Variants in FAM135B observed in about 807,000 individuals in gnomAD.
FAM135B encodes protein FAM135B.
In FAM135B, 43 loss-of-function variants were observed where a neutral mutation model predicts 127.7. That is an observed-to-expected ratio of 0.34 (90% confidence interval 0.26 to 0.43). FAM135B has a LOEUF of 0.43. Ranked by LOEUF, FAM135B falls within the 20% of genes least tolerant of loss-of-function variation. FAM135B has a pLI of 1.00. For synonymous variants in FAM135B, 670 were observed against 665.1 expected (o/e 1.01, Z -0.11); for missense variants, 1,558 against 1,725.6 (o/e 0.90, Z 1.72).
intron 2 of FAM135B, among the ~76,000 whole-genome samples, chr8:138,339,394 T>A (rs1470599582): frequency 6.7e-6 from 1 of 150,102 alleles, no homozygotes; most frequent in African/African-American, 2.5e-5. Context: ...TTTTAAAATC[T>A]CCAATGTAAA....
rs377116504 is a variant in FAM135B, at chr8:138,152,973, T to C, written c.1502A>G (p.Tyr501Cys). 4.0e-5 allele frequency: 64 copies of C among 1,614,118 alleles called. No homozygotes were observed. The highest frequency in any genetic ancestry group is 5.3e-5 in the Non-Finnish European group (62 of 1,180,058). Residue 501 changes from tyrosine (Y) to cysteine (C), a missense_variant, in exon 13 of 20, where the codon TAT becomes TGT. Physicochemically the swap from Tyr to Cys is radical, Grantham distance 194. Around this residue, in one of 5 missense-constraint regions of FAM135B, gnomAD observed 923 missense variants for 865.3 expected, o/e 1.07. Transcript: ENST00000395297. The part of the protein sequence containing the change: ...HMDMCSESQV[Y>C]ISIGEFQNKA... ...GTTTTGAAATTCACCAATTGATATATACACCTGAGATTCAGAGCACATGTC... is the reference window on the plus strand; with the variant it reads ...GTTTTGAAATTCACCAATTGATATACACACCTGAGATTCAGAGCACATGTC...
chr8:138,307,122 C>T (rs183367408), intron 3 of FAM135B, among the ~76,000 whole-genome samples: 27 of 152,278 alleles, frequency 1.8e-4, no homozygotes, highest in Non-Finnish European at 2.9e-4. Flanking sequence ...TCTTGAATTC[C>T]CACATGTTGT....
At chr8:138,280,632 T>C (rs1824194788) in intron 3 of FAM135B, among the ~76,000 whole-genome samples, 1 of 152,156 alleles carries the variant, frequency 6.6e-6, no homozygotes, top group African/African-American at 2.4e-5. Flanking sequence ...GCCACAGAAC[T>C]TGGCACAGTG....
At chr8:138,459,362 A>T (rs1314333928) in intron 1 of FAM135B, 1 of 152,222 alleles carries the variant, frequency 6.6e-6, no homozygotes, top group Non-Finnish European at 1.5e-5. Context: ...CAGCAGTGGC[A>T]GGGACAATTA....
At chr8:138,161,613 G>C (rs1383600114) in intron 12 of FAM135B, among the ~76,000 whole-genome samples, 1 of 152,146 alleles carries the variant, frequency 6.6e-6, no homozygotes, top group Non-Finnish European at 1.5e-5. Flanking sequence ...AAACCACTGA[G>C]ACACTACATA....
intron 1 of FAM135B, among the ~76,000 whole-genome samples, chr8:138,392,570 C>T (rs1384270965): frequency 6.6e-6 from 1 of 152,088 alleles, no homozygotes; most frequent in African/African-American, 2.4e-5. Context: ...AGTCTAGCTA[C>T]TCTGTCGGGA....
intron 2 of FAM135B, among the ~76,000 whole-genome samples, chr8:138,338,356 C>T (rs1364049262): frequency 2.6e-5 from 4 of 151,988 alleles, no homozygotes; most frequent in Non-Finnish European, 5.9e-5. Flanking sequence ...TTGCAATCTA[C>T]TCATCTGACA....
At chr8:138,454,282 C>T (rs372212519) in intron 1 of FAM135B, among the ~76,000 whole-genome samples, 15 of 152,226 alleles carry the variant, frequency 9.9e-5, no homozygotes, top group African/African-American at 2.9e-4. Context: ...ATCAGGTACA[C>T]GTGAAGTGGA....
At chr8:138,336,830 C>T (rs1331327360) in intron 2 of FAM135B, among the ~76,000 whole-genome samples, 9 of 152,146 alleles carry the variant, frequency 5.9e-5, no homozygotes, top group South Asian at 2.1e-4. Flanking sequence ...ACAAATATCC[C>T]TGATGAACAT....
chr8:138,184,030 G>T (rs75595591), intron 9 of FAM135B, among the ~76,000 whole-genome samples: 2,648 of 152,278 alleles, frequency 0.017, 64 homozygotes, highest in African/African-American at 0.06. Context: ...ATGGAGCAAG[G>T]CACCATGAAA....
intron 6 of FAM135B, among the ~76,000 whole-genome samples, chr8:138,244,334 G>A (rs1312385661): frequency 1.3e-5 from 2 of 152,136 alleles, no homozygotes; most frequent in Admixed American, 1.3e-4. Flanking sequence ...GATCCTCAGA[G>A]TATGGTCAAG....
intron 12 of FAM135B, among the ~76,000 whole-genome samples, chr8:138,155,879 C>G (rs1260941979): frequency 6.6e-6 from 1 of 152,100 alleles, no homozygotes; most frequent in Non-Finnish European, 1.5e-5. Context: ...CAATATTAGA[C>G]AGATGAACGA....
At chr8:138,434,426 G>C (rs1397218592) in intron 1 of FAM135B, among the ~76,000 whole-genome samples, 1 of 152,028 alleles carries the variant, frequency 6.6e-6, no homozygotes, top group Non-Finnish European at 1.5e-5. Flanking sequence ...GTGGGTGTAA[G>C]TGTTCCCATT....
At chr8:138,471,620 G>A (rs1837681447) in intron 1 of FAM135B, among the ~76,000 whole-genome samples, 1 of 152,130 alleles carries the variant, frequency 6.6e-6, no homozygotes, top group African/African-American at 2.4e-5. Context: ...AGTTTAAGGT[G>A]CTTTGAAATG....
intron 4 of FAM135B, among the ~76,000 whole-genome samples, chr8:138,263,657 A>G (rs1030865810): frequency 3.3e-5 from 5 of 152,194 alleles, no homozygotes; most frequent in Non-Finnish European, 7.3e-5. Context: ...TTCTTGAGGT[A>G]TTGAAGCAGG....
At chr8:138,215,866 T>G (rs2129941656) in intron 7 of FAM135B, among the ~76,000 whole-genome samples, 1 of 152,236 alleles carries the variant, frequency 6.6e-6, no homozygotes, top group African/African-American at 2.4e-5. Flanking sequence ...CTGGCAGCCA[T>G]GAGCAAGCAT....
At chr8:138,426,594 A>G (rs1834904546) in intron 1 of FAM135B, among the ~76,000 whole-genome samples, 1 of 151,542 alleles carries the variant, frequency 6.6e-6, no homozygotes, top group Non-Finnish European at 1.5e-5. Context: ...CATTTTTATC[A>G]TAATCTAATA....
At chr8:138,454,362 T>C (rs1456427177) in intron 1 of FAM135B, among the ~76,000 whole-genome samples, 2 of 152,106 alleles carry the variant, frequency 1.3e-5, no homozygotes, top group South Asian at 2.1e-4. Context: ...ATGACTGCCC[T>C]AGATGCCTCC....
rs1820850031 is a variant in FAM135B at position 138,242,168 on chromosome 8, TGTGTGTGTGTGTG to T, written c.669+761_669+773del. ...CAATTACTTATGATAAATCTCTTTG[TGTGTGTGTGTGTG>T]TGTGTGTGTGTGTGTGTGTGTGTGT... On this transcript the variant is annotated intron_variant, in intron 7 of 19. Coordinates refer to ENST00000395297, the MANE Select transcript of FAM135B (RefSeq NM_015912.4). The surrounding 1 kb of genome is among the most constrained non-coding windows in gnomAD (Gnocchi z 9.6). Among the ~76,000 whole-genome samples, 1 of 28,814 alleles carries T rather than the reference TGTGTGTGTGTGTG, an allele frequency of 3.5e-5. No individual in the cohort carries two copies. Among genetic ancestry groups the T allele is most frequent in the Non-Finnish European group, 8.1e-5 (1 of 12,340 alleles). 18.9% of individuals were successfully genotyped at this position (28,814 alleles called of 152,430 possible). A position where few individuals can be genotyped will look rare whatever the true frequency, so the allele number is the denominator to read the frequency against.
Sources: gnomAD v4.1 joint callset for allele counts (sites outside exome capture counted in the v4.1 genomes callset) on GRCh38, gnomAD v4.1.1 for gene constraint, gnomAD v4.1.1 regional missense constraint, Gnocchi (gnomAD v3.1) non-coding constraint, MANE v1.5 for transcripts, NCBI Gene and HGNC (gene_info 2026-07-23, HGNC 2026-07-21) for gene names.